Variants in BTRC observed in about 807,000 individuals in gnomAD.
The protein encoded by BTRC is beta-transducin repeat containing E3 ubiquitin protein ligase.
In BTRC, 42 loss-of-function variants were observed where a neutral mutation model predicts 85.5. The observed-to-expected ratio is 0.49, with a 90% CI of 0.38 to 0.64. BTRC has a LOEUF of 0.64. BTRC is among the 30% of genes least tolerant of loss of function. The pLI is 0.00. For missense variants in BTRC, 594 were observed against 743.5 expected (o/e 0.80, Z 2.34); for synonymous variants, 255 against 263.3 (o/e 0.97, Z 0.30).
At chr10:101,443,383 A>G (rs1046559162) in intron 2 of BTRC, among the ~76,000 whole-genome samples, 1 of 152,216 alleles carries the variant, frequency 6.6e-6, no homozygotes, top group Non-Finnish European at 1.5e-5. Context: ...ACAACTCAAC[A>G]TGAAATATAT....
chr10:101,363,466 T>TG (rs199984817), intron 1 of BTRC, among the ~76,000 whole-genome samples: 27 of 132,616 alleles, frequency 2.0e-4, no homozygotes, highest in Non-Finnish European at 3.8e-4. Flanking sequence ...TTTTTGTTTT[T>TG]TCTTTTTTTT....
chr10:101,526,360 C>A (rs1169350764), intron 6 of BTRC, among the ~76,000 whole-genome samples, 161 bp downstream of exon 6: 1 of 152,210 alleles, frequency 6.6e-6, no homozygotes, highest in Non-Finnish European at 1.5e-5. Context: ...TTCATATACT[C>A]AGCAGTTTTT....
intron 1 of BTRC, among the ~76,000 whole-genome samples, chr10:101,377,599 T>C (rs957850698): frequency 3.9e-5 from 6 of 152,230 alleles, no homozygotes; most frequent in African/African-American, 1.4e-4. Flanking sequence ...TATCCTATTG[T>C]GGTTTCAATT....
At chr10:101,441,997 G>A (rs1944694409) in intron 2 of BTRC, among the ~76,000 whole-genome samples, 1 of 151,204 alleles carries the variant, frequency 6.6e-6, no homozygotes, top group Non-Finnish European at 1.5e-5. Context: ...ATACTTCTTT[G>A]ATTTGAATGA....
chr10:101,438,459 A>G (rs377616390), intron 2 of BTRC, among the ~76,000 whole-genome samples: 18 of 142,150 alleles, frequency 1.3e-4, no homozygotes, highest in Non-Finnish European at 2.6e-4. Context: ...AAGTCTTCTC[A>G]TTAGCAATAT....
At chr10:101,442,858 A>G (rs1328197433) in intron 2 of BTRC, among the ~76,000 whole-genome samples, 1 of 149,742 alleles carries the variant, frequency 6.7e-6, no homozygotes, top group African/African-American at 2.5e-5. Context: ...TTATAGCAGT[A>G]TCAAAGTAAG....
At chr10:101,504,735 C>T (rs1182568526) in intron 4 of BTRC, among the ~76,000 whole-genome samples, 1 of 151,330 alleles carries the variant, frequency 6.6e-6, no homozygotes, top group African/African-American at 2.4e-5. Context: ...TTCTTTTCTC[C>T]TCTTTCCTCC....
At chr10:101,474,543 G>A (rs536792621) in intron 3 of BTRC, among the ~76,000 whole-genome samples, 2 of 152,264 alleles carry the variant, frequency 1.3e-5, no homozygotes, top group South Asian at 4.1e-4. Context: ...TACGTAGTTT[G>A]GGTGTTAGCC....
At chr10:101,482,884 T>A (rs1945878493) in intron 4 of BTRC, among the ~76,000 whole-genome samples, 1 of 152,204 alleles carries the variant, frequency 6.6e-6, no homozygotes, top group South Asian at 2.1e-4. Context: ...TTGATTCAGA[T>A]TGTACTCCAT....
At chr10:101,530,363 A>C (rs2062261688) in intron 6 of BTRC, among the ~76,000 whole-genome samples, 5 of 152,128 alleles carry the variant, frequency 3.3e-5, no homozygotes, top group Admixed American at 3.3e-4. Flanking sequence ...AGTTGCACTG[A>C]TTAGCAGCAG....
chr10:101,377,106 T>G (rs1041779418), intron 1 of BTRC, among the ~76,000 whole-genome samples: 1 of 152,182 alleles, frequency 6.6e-6, no homozygotes, highest in Admixed American at 6.5e-5. Flanking sequence ...CTTCCTCACT[T>G]CATTTTATGT....
chr10:101,470,619 C>T (rs560355712), intron 3 of BTRC, among the ~76,000 whole-genome samples: 3 of 152,158 alleles, frequency 2.0e-5, no homozygotes, highest in South Asian at 2.1e-4. Context: ...CGCGAGCCAC[C>T]GCGCCTAGCC....
rs149417971 is a variant in BTRC at position 101,550,843 on chromosome 10, A to G, written c.1801A>G (p.Thr601Ala). 6.2e-7 allele frequency: 1 copy of G among 1,613,698 alleles called. No individual in the cohort carries two copies. The highest frequency in any genetic ancestry group is 1.7e-5 in the Admixed American group (1 of 59,994). The stretch of plus-strand genomic sequence containing the variant: ...CCCCCGTTCCCCTTCTCGAACATAC[A>G]CCTACATCTCCAGATAAATAACCAT... Reference protein sequence around the residue: ...EPPRSPSRTYTYISR With the variant: ...EPPRSPSRTYAYISR The change falls in exon 14 of 15, where the codon ACC becomes GCC. Residue 601 changes from threonine (T) to alanine (A), a missense_variant. This residue lies in a region of BTRC where 56 missense variants were observed against 39.6 expected (regional missense o/e 1.41). Transcript: ENST00000370187.
chr10:101,506,552 A>G (rs983041227), intron 4 of BTRC, among the ~76,000 whole-genome samples: 1 of 152,064 alleles, frequency 6.6e-6, no homozygotes, highest in Admixed American at 6.5e-5. Context: ...TACCTTGTTT[A>G]TTGTCCTTGG....
intron 1 of BTRC, among the ~76,000 whole-genome samples, chr10:101,366,943 T>TAA (rs1942443837): frequency 3.6e-5 from 2 of 54,892 alleles, no homozygotes; most frequent in South Asian, 3.9e-4. Context: ...TATATTTATA[T>TAA]ATATTTATAT....
At chr10:101,454,009 G>C (rs1168335248) in intron 2 of BTRC, among the ~76,000 whole-genome samples, 1 of 152,224 alleles carries the variant, frequency 6.6e-6, no homozygotes, top group Non-Finnish European at 1.5e-5. Context: ...TATGTGTCAG[G>C]CCAGAGCTTG....
At chr10:101,479,177 A>G (rs1945772079) in intron 3 of BTRC, among the ~76,000 whole-genome samples, 191 bp from the exon 4 acceptor site, 1 of 150,764 alleles carries the variant, frequency 6.6e-6, no homozygotes, top group African/African-American at 2.4e-5. Flanking sequence ...GTTCATGGGC[A>G]CATCAGTGGC....
At chr10:101,542,030 G>A (rs2062476808) in intron 13 of BTRC, among the ~76,000 whole-genome samples, 1 of 152,158 alleles carries the variant, frequency 6.6e-6, no homozygotes, top group African/African-American at 2.4e-5. Flanking sequence ...GAATTCACTA[G>A]TGAAGCATCT....
chr10:101,530,117 C>T (rs936186094), intron 6 of BTRC, among the ~76,000 whole-genome samples: 2 of 151,990 alleles, frequency 1.3e-5, no homozygotes, highest in East Asian at 1.9e-4. Flanking sequence ...CAGAGATGTG[C>T]TGTCATAAGG....
Sources: allele counts gnomAD v4.1 joint callset (sites outside exome capture counted in the v4.1 genomes callset), GRCh38; gene constraint gnomAD v4.1.1; regional missense constraint gnomAD v4.1.1; transcripts MANE v1.5; gene names NCBI Gene and HGNC (gene_info 2026-07-23, HGNC 2026-07-21).